SLC12A7: variants seen among roughly 807,000 people sequenced by gnomAD.
The protein encoded by SLC12A7 is solute carrier family 12 member 7.
A neutral mutation model predicts 120.6 loss-of-function variants in SLC12A7; 100 were observed. The observed-to-expected ratio is 0.83, with a 90% CI of 0.71 to 0.98. The LOEUF (loss-of-function observed/expected upper bound fraction) is 0.98. SLC12A7 is among the 50% of genes least tolerant of loss of function. The probability of loss-of-function intolerance (pLI) is 0.00; values close to 1 mark genes in which losing one functional copy is unlikely to be tolerated. For synonymous variants in SLC12A7, 760 were observed against 678.0 expected (o/e 1.12, Z -1.88); for missense variants, 1,373 against 1,548.1 (o/e 0.89, Z 1.90).
At chr5:1,083,400 G>A (rs1739437897) in intron 8 of SLC12A7, among the ~76,000 whole-genome samples, 1 of 152,240 alleles carries the variant, frequency 6.6e-6, no homozygotes, top group South Asian at 2.1e-4. Flanking sequence ...CATCAGAGAA[G>A]GATACACAGA....
chr5:1,083,125 C>T (rs895580996), intron 8 of SLC12A7, among the ~76,000 whole-genome samples: 1 of 139,182 alleles, frequency 7.2e-6, no homozygotes, highest in Non-Finnish European at 1.6e-5. Context: ...CGGGCTTCCC[C>T]ATCTCGGGTT....
At chr5:1,116,562 G>A (rs13165027), upstream of SLC12A7, among the ~76,000 whole-genome samples, 17,361 of 152,232 alleles carry the variant, frequency 0.11, 1,029 homozygotes, top group South Asian at 0.18. Context: ...TGTAATTCAC[G>A]GACACTGAGT....
upstream of SLC12A7, among the ~76,000 whole-genome samples, chr5:1,113,966 G>A (rs947877338): frequency 2.0e-5 from 3 of 152,200 alleles, no homozygotes; most frequent in Admixed American, 1.3e-4. Context: ...CAGGGCTCCC[G>A]TCGCACATCC....
At chr5:1,065,068 G>A (rs1366173104) in intron 18 of SLC12A7, among the ~76,000 whole-genome samples, 1 of 146,676 alleles carries the variant, frequency 6.8e-6, no homozygotes, top group Non-Finnish European at 1.5e-5. Flanking sequence ...GACAGTGAGG[G>A]GACAGCAAGG....
At chr5:1,053,059 T>A (rs1159467219) in intron 23 of SLC12A7, among the ~76,000 whole-genome samples, 1 of 152,174 alleles carries the variant, frequency 6.6e-6, no homozygotes, top group Non-Finnish European at 1.5e-5. Flanking sequence ...TGGGGATGCA[T>A]GACAGGGAGC....
chr5:1,073,918 T>C (rs2150827191), intron 16 of SLC12A7, 117 bp from the exon 17 acceptor site: 1 of 1,031,784 alleles, frequency 9.7e-7, no homozygotes, highest in Non-Finnish European at 1.3e-6. Flanking sequence ...GGGAGATACA[T>C]GACAGGCGGG....
chr5:1,107,230 C>G (rs1742597147), intron 1 of SLC12A7, among the ~76,000 whole-genome samples: 1 of 152,242 alleles, frequency 6.6e-6, no homozygotes, highest in African/African-American at 2.4e-5. Context: ...CAGGAGTTCC[C>G]CGTGGTTCTG....
the SLC12A7 span, among the ~76,000 whole-genome samples, chr5:1,147,400 GACCCGGAGAGACCCGCCGAGGGTCCCAC>G: frequency 2.7e-5 from 4 of 150,514 alleles, no homozygotes; most frequent in Middle Eastern, 6.9e-3. Flanking sequence ...GAGTCCCTCC[GACCCGGAGAGACCCGCCGAGGGTCCCAC>G]ACCCGGAGAG....
At chr5:1,125,636 C>G in the SLC12A7 span, among the ~76,000 whole-genome samples, 1 of 152,122 alleles carries the variant, frequency 6.6e-6, no homozygotes, top group African/African-American at 2.4e-5. Context: ...GTTAAAATGT[C>G]TACCTGGGCC....
At chr5:1,059,107 C>A in intron 21 of SLC12A7, among the ~76,000 whole-genome samples, 1 of 152,328 alleles carries the variant, frequency 6.6e-6, no homozygotes. Context: ...ATCTCAGGGA[C>A]CTGGCCTGGA....
chr5:1,108,057 GCA>G (rs1200828437), intron 1 of SLC12A7, among the ~76,000 whole-genome samples: 1 of 118,316 alleles, frequency 8.5e-6, no homozygotes, highest in Non-Finnish European at 1.8e-5. Context: ...CATGCCCACA[GCA>G]CACAGCTGTG....
At chr5:1,062,931 T>C (rs1459506464) in intron 20 of SLC12A7, 1 of 154,242 alleles carries the variant, frequency 6.5e-6, no homozygotes, top group Non-Finnish European at 1.5e-5. Flanking sequence ...AAGACCAGTG[T>C]TGTCGGCGTG....
rs755398930 is a variant in SLC12A7 at position 1,053,433 on chromosome 5, C to T, written c.3076G>A (p.Val1026Ile). Residue 1026 changes from valine to isoleucine, a missense_variant, in exon 23 of 24, where the codon GTC becomes ATC. Val to Ile is a conservative substitution (Grantham distance 29). Coordinates refer to ENST00000264930, the MANE Select transcript of SLC12A7 (RefSeq NM_006598.3). ...RMHTAVKLNG[V>I]VLNKSQDAQL... is the part of the protein sequence containing the mutation. ...GCATCCTGGGACTTGTTGAGGACGACGCCATTGAGCTTCACAGCCGTGTGC... is the reference window on the plus strand; with the variant it reads ...GCATCCTGGGACTTGTTGAGGACGATGCCATTGAGCTTCACAGCCGTGTGC... 31 of 1,613,814 alleles carry T rather than the reference C, an allele frequency of 1.9e-5. No individual in the cohort carries two copies. The highest frequency in any genetic ancestry group is 4.5e-5 in the East Asian group (2 of 44,894).
At position 1,063,915 on chromosome 5, in the gene SLC12A7, G is replaced by C; in HGVS notation, c.2668C>G (p.Gln890Glu). ...TVAQVDDNSI[Q>E]MKKDLQMFLY... ...AACATCTGCAGGTCCTTCTTCATCT[G>C]GATGCTGTTGTCGTCCACCTGGGCC... The change falls in exon 20 of 24, where the codon CAG (glutamine) becomes GAG (glutamate). Residue 890 changes from glutamine to glutamate, a missense_variant. Physicochemically the swap from Gln to Glu is conservative, Grantham distance 29 (BLOSUM62 2). Transcript: ENST00000264930. The C allele has an allele frequency of 6.2e-7, 1 of 1,612,406 alleles. No homozygotes were observed. Among genetic ancestry groups the C allele is most frequent in the Non-Finnish European group, 8.5e-7 (1 of 1,179,802 alleles).
the SLC12A7 span, among the ~76,000 whole-genome samples, chr5:1,133,913 T>C: frequency 6.6e-6 from 1 of 152,106 alleles, no homozygotes; most frequent in Non-Finnish European, 1.5e-5. Context: ...GGGTGGGCTC[T>C]TGTTCTAACC....
intron 15 of SLC12A7, 80 bp downstream of exon 15, chr5:1,075,291 A>G: frequency 1.3e-6 from 2 of 1,535,186 alleles, no homozygotes; most frequent in Non-Finnish European, 8.8e-7. Flanking sequence ...AGGCCCCTCC[A>G]GGGAGCTGCC....
chr5:1,107,459 T>C (rs887364291), intron 1 of SLC12A7, among the ~76,000 whole-genome samples: 8 of 152,318 alleles, frequency 5.3e-5, no homozygotes, highest in Admixed American at 2.0e-4. Context: ...GCCCACTCAC[T>C]GCCGGGCATG....
chr5:1,100,940 G>A (rs1741953815), intron 1 of SLC12A7, among the ~76,000 whole-genome samples: 1 of 152,184 alleles, frequency 6.6e-6, no homozygotes, highest in Admixed American at 6.5e-5. Flanking sequence ...AGCCTGCAGG[G>A]ATGTGGCTCT....
chr5:1,143,432 G>T, the SLC12A7 span, among the ~76,000 whole-genome samples: 2 of 152,280 alleles, frequency 1.3e-5, no homozygotes, highest in Non-Finnish European at 2.9e-5. Context: ...TCCTCCCACG[G>T]CCGCTCCTCT....
Sources: gnomAD v4.1 joint callset for allele counts (sites outside exome capture counted in the v4.1 genomes callset) on GRCh38, gnomAD v4.1.1 for gene constraint, MANE v1.5 for transcripts, NCBI Gene and HGNC (gene_info 2026-07-23, HGNC 2026-07-21) for gene names.